The following ANK3 variants were observed in gnomAD, a reference collection of about 807,000 sequenced individuals.
The protein encoded by ANK3 is ankyrin 3.
ANK3 carries 57 observed loss-of-function variants against 370.9 expected under a neutral mutation model. That is an observed-to-expected ratio of 0.15 (90% CI 0.12 to 0.19). The LOEUF is 0.19. ANK3 is among the 10% of genes least tolerant of loss of function. The probability of loss-of-function intolerance (pLI) is 1.00; values close to 1 mark genes in which losing one functional copy is unlikely to be tolerated. For missense variants in ANK3, 4,439 were observed against 5,302.1 expected (o/e 0.84, Z 5.06); for synonymous variants, 1,929 against 1,946.3 (o/e 0.99, Z 0.23).
At chr10:60,585,036 T>C (rs1442138792) in intron 2 of ANK3, among the ~76,000 whole-genome samples, 1 of 152,166 alleles carries the variant, frequency 6.6e-6, no homozygotes, top group Non-Finnish European at 1.5e-5. Context: ...TAAAGTCCTG[T>C]TTTAGTTCTA....
intron 25 of ANK3, among the ~76,000 whole-genome samples, chr10:60,121,185 G>A (rs1414331002): frequency 6.6e-6 from 1 of 152,154 alleles, no homozygotes; most frequent in Non-Finnish European, 1.5e-5. Flanking sequence ...GATGGAACTG[G>A]AGGTAATTAT....
intron 2 of ANK3, among the ~76,000 whole-genome samples, chr10:60,558,521 C>A (rs576489745): frequency 6.6e-6 from 1 of 152,296 alleles, no homozygotes; most frequent in African/African-American, 2.4e-5. Flanking sequence ...CTTTGAACCG[C>A]TCAGTGCATA....
intron 2 of ANK3, among the ~76,000 whole-genome samples, chr10:60,401,814 C>T (rs2063357161): frequency 6.6e-6 from 1 of 152,138 alleles, no homozygotes. Context: ...TAAATGGCCA[C>T]TTATCACCAG....
chr10:60,676,152 T>C (rs2079122634), intron 1 of ANK3, among the ~76,000 whole-genome samples: 1 of 152,108 alleles, frequency 6.6e-6, no homozygotes, highest in Admixed American at 6.5e-5. Context: ...TAAGTGAAAA[T>C]ACTATAACAA....
At chr10:60,036,255 T>C (rs1161046748) in intron 43 of ANK3, among the ~76,000 whole-genome samples, 4 of 152,100 alleles carry the variant, frequency 2.6e-5, no homozygotes, top group Admixed American at 2.6e-4. Flanking sequence ...TGTTATATTC[T>C]AGCCATCACT....
chr10:60,419,863 C>A (rs529272808), intron 2 of ANK3, among the ~76,000 whole-genome samples: 1 of 152,080 alleles, frequency 6.6e-6, no homozygotes, highest in African/African-American at 2.4e-5. Context: ...CATTTTTTTA[C>A]ATCCAACCTC....
intron 1 of ANK3, among the ~76,000 whole-genome samples, chr10:60,298,617 G>GT (rs2043034015): frequency 6.6e-6 from 1 of 152,090 alleles, no homozygotes; most frequent in Admixed American, 6.5e-5. Flanking sequence ...TTTATTACAC[G>GT]TTTTTTCAAA....
At chr10:60,301,481 T>G (rs1011390338) in intron 1 of ANK3, among the ~76,000 whole-genome samples, 10 of 150,146 alleles carry the variant, frequency 6.7e-5, no homozygotes, top group African/African-American at 2.0e-4. Flanking sequence ...TGGCAGGATC[T>G]CGGCTCACTG....
At chr10:60,137,082 G>A (rs1480923956) in intron 24 of ANK3, among the ~76,000 whole-genome samples, 1 of 151,968 alleles carries the variant, frequency 6.6e-6, no homozygotes, top group Non-Finnish European at 1.5e-5. Context: ...ATTACTTCAT[G>A]CACTATACAA....
At chr10:60,491,711 G>T (rs997017654) in intron 2 of ANK3, among the ~76,000 whole-genome samples, 6 of 152,184 alleles carry the variant, frequency 3.9e-5, no homozygotes, top group African/African-American at 1.4e-4. Context: ...TTGATCAAAT[G>T]ATTGAGACAC....
At chr10:60,491,386 T>C (rs75827784) in intron 2 of ANK3, among the ~76,000 whole-genome samples, 19,438 of 152,112 alleles carry the variant, frequency 0.13, 1,411 homozygotes, top group African/African-American at 0.2. Flanking sequence ...CTTTCTTAAA[T>C]GAACTAGATA....
Position 60,071,149 on chromosome 10 carries a change from G to A in ANK3, c.9732C>T (p.Pro3244=). Residue 3244 remains proline, a synonymous_variant, in exon 37 of 44, where the codon CCC becomes CCT. Transcript: ENST00000280772. ...CAATATAGGCAACTCTGTTATTTTT[G>A]GGTCTTTGGTTAGAGTCTTTGCTCA... ...NDVSKDSNQR[P]KNNRVAYIEF... 2 of 1,614,036 alleles carry A rather than the reference G, an allele frequency of 1.2e-6. No individual in the cohort carries two copies. The highest frequency in any genetic ancestry group is 1.7e-6 in the Non-Finnish European group (2 of 1,179,988).
chr10:60,047,597 C>T (rs1242042187), intron 42 of ANK3, among the ~76,000 whole-genome samples: 1 of 152,184 alleles, frequency 6.6e-6, no homozygotes, highest in Non-Finnish European at 1.5e-5. Context: ...ACGGATAGAA[C>T]TTACCATACG....
intron 1 of ANK3, among the ~76,000 whole-genome samples, chr10:60,299,388 G>A (rs1366910179): frequency 6.6e-6 from 1 of 152,118 alleles, no homozygotes; most frequent in Admixed American, 6.5e-5. Flanking sequence ...CCATTAGCAT[G>A]TTTGTCCACC....
At chr10:60,534,565 C>T (rs568527682) in intron 2 of ANK3, among the ~76,000 whole-genome samples, 1 of 152,078 alleles carries the variant, frequency 6.6e-6, no homozygotes, top group Non-Finnish European at 1.5e-5. Flanking sequence ...AAAAATAATA[C>T]ATCTCATTAC....
intron 2 of ANK3, among the ~76,000 whole-genome samples, chr10:60,457,886 A>G (rs1436087991): frequency 1.3e-5 from 2 of 152,078 alleles, no homozygotes; most frequent in Non-Finnish European, 2.9e-5. Context: ...GTAGTGTAGT[A>G]GAGTAGAGAG....
chr10:60,481,763 C>T lies in ANK3; in HGVS notation c.96+133423G>A, dbSNP rs921904782. Reference sequence around the variant, plus strand: ...ACAGGCGTGAGCCACTGCACCCGGCCACAAGCCAGATATTTGAAATTCCTA... The same window carrying T: ...ACAGGCGTGAGCCACTGCACCCGGCTACAAGCCAGATATTTGAAATTCCTA... On this transcript the variant is annotated intron_variant, in intron 2 of 43. Coordinates refer to the ANK3 transcript ENST00000373827. Among the ~76,000 whole-genome samples, 5 of 152,190 alleles carry T rather than the reference C, an allele frequency of 3.3e-5. No homozygotes were observed. The East Asian group carries it at 9.7e-4, about 29-fold the overall frequency.
Position 60,172,885 on chromosome 10 carries a change from G to A in ANK3, c.2382+15C>T, listed in dbSNP as rs1226122139. 13 of 1,582,606 alleles carry A rather than the reference G, an allele frequency of 8.2e-6. No homozygotes were observed. Among genetic ancestry groups the A allele is most frequent in the Non-Finnish European group, 1.1e-5 (13 of 1,152,396 alleles). On this transcript the variant is annotated intron_variant, in intron 20 of 43. Transcript: ENST00000280772. Reference sequence around the variant, plus strand: ...ATCTCCTCCCTCTTCTCCTGAGCTGGCCCTGAGCGCTTACCACAGTGAGTT... The same window carrying A: ...ATCTCCTCCCTCTTCTCCTGAGCTGACCCTGAGCGCTTACCACAGTGAGTT...
At position 60,073,410 on chromosome 10, in the gene ANK3, G is replaced by T. The variant is rs2083146941; in HGVS notation, c.7471C>A (p.Pro2491Thr). The change falls in exon 37 of 44, where the codon CCT becomes ACT. Residue 2491 changes from proline to threonine, a missense_variant. Transcript: ENST00000280772. ...TCAGACCCCTGTAACTCTGAGCTAG[G>T]GGGTCCTGCATGGTCTGTAACCGAT... ...EESVTDHAGP[P>T]SSELQGSDKR... 2 of 1,613,776 alleles carry T rather than the reference G, an allele frequency of 1.2e-6. No individual in the cohort carries two copies. Among genetic ancestry groups the T allele is most frequent in the African/African-American group, 2.7e-5 (2 of 74,964 alleles).
Sources: gnomAD v4.1 joint callset for allele counts (sites outside exome capture counted in the v4.1 genomes callset) on GRCh38, gnomAD v4.1.1 for gene constraint, MANE v1.5 for transcripts, NCBI Gene and HGNC (gene_info 2026-07-23, HGNC 2026-07-21) for gene names.